DISP1: variants seen among roughly 807,000 people sequenced by gnomAD.
The protein encoded by DISP1 is dispatched RND transporter family member 1.
Under a neutral mutation model 37.3 loss-of-function variants are expected in DISP1, and 30 were observed. The ratio of observed to expected loss-of-function variants is 0.80; its 90% CI spans 0.60 to 1.09. The LOEUF (loss-of-function observed/expected upper bound fraction) is 1.09, where lower values mean the gene tolerates loss of function less well. Among genes scored for constraint, DISP1 ranks in the 50% least tolerant of loss-of-function variants. DISP1 has a pLI of 0.00. For synonymous variants in DISP1, 634 were observed against 690.2 expected, an observed-to-expected ratio of 0.92 and a Z score of 1.28; for missense variants, 1,598 against 1,879.5, an observed-to-expected ratio of 0.85 and a Z score of 2.77.
At chr1:222,936,254 C>T (rs1410665107) in intron 2 of DISP1, among the ~76,000 whole-genome samples, 2 of 152,074 alleles carry the variant, frequency 1.3e-5, no homozygotes, top group Non-Finnish European at 2.9e-5. Flanking sequence ...CTGTGATGAC[C>T]ACACAATGGT....
intron 1 of DISP1, among the ~76,000 whole-genome samples, chr1:222,919,722 G>A (rs1241136690): frequency 2.0e-5 from 3 of 152,136 alleles, no homozygotes; most frequent in South Asian, 2.1e-4. Flanking sequence ...ACTAATGCAC[G>A]TGTTTTCAAC....
chr1:222,831,931 A>G (rs1172290295), intron 1 of DISP1, among the ~76,000 whole-genome samples: 1 of 152,156 alleles, frequency 6.6e-6, no homozygotes, highest in South Asian at 2.1e-4. Context: ...TTGGTAAACA[A>G]TTGAGTATCA....
intron 1 of DISP1, among the ~76,000 whole-genome samples, chr1:222,875,819 C>A (rs1669937392): frequency 3.2e-5 from 4 of 124,488 alleles, no homozygotes; most frequent in Admixed American, 8.6e-5. Flanking sequence ...AAGAGAGAAA[C>A]CACATCTCAA....
At chr1:222,966,151 T>C (rs557259765) in intron 3 of DISP1, among the ~76,000 whole-genome samples, 43 of 152,336 alleles carry the variant, frequency 2.8e-4, no homozygotes, top group Non-Finnish European at 5.0e-4. Context: ...CACTGAAGCA[T>C]TTCTTTGTTT....
chr1:222,987,742 A>C (rs1678382890), intron 4 of DISP1, among the ~76,000 whole-genome samples: 2 of 152,230 alleles, frequency 1.3e-5, no homozygotes, highest in African/African-American at 4.8e-5. Flanking sequence ...ATAACATGTT[A>C]ATAGGTAAAA....
intron 1 of DISP1, among the ~76,000 whole-genome samples, chr1:222,906,328 C>T (rs988079080): frequency 6.6e-6 from 1 of 152,130 alleles, no homozygotes; most frequent in African/African-American, 2.4e-5. Context: ...GGAACTTTTT[C>T]TTGTTTGAAC....
intron 3 of DISP1, among the ~76,000 whole-genome samples, chr1:222,962,258 A>G (rs879549359): frequency 1.2e-4 from 19 of 152,038 alleles, no homozygotes; most frequent in Non-Finnish European, 2.6e-4. Flanking sequence ...GGAGAACTAC[A>G]AACCACTGCT....
At position 223,005,138 on chromosome 1, in the gene DISP1, T is replaced by C. The variant is rs775129595; in HGVS notation, c.3741T>C (p.Ala1247=). Residue 1247 remains alanine (A), a synonymous_variant, in exon 9 of 9, where the codon GCT becomes GCC. Transcript: ENST00000675850. ...TCAGCAAAAGCACTGAAAGTGACGC[T>C]GGCTCTGCCTTGTTACAGCCCCCTC... The part of the protein sequence containing the change: ...SELSKSTESD[A]GSALLQPPLE... 12 of 1,614,078 alleles carry C rather than the reference T, an allele frequency of 7.4e-6. No individual in the cohort carries two copies. The South Asian group carries it at 1.1e-4, about 15-fold the overall frequency.
chr1:222,984,876 C>T (rs971365542), intron 4 of DISP1, among the ~76,000 whole-genome samples: 1 of 152,084 alleles, frequency 6.6e-6, no homozygotes, highest in East Asian at 1.9e-4. Context: ...TCGTATGAGT[C>T]GAATCCTACA....
At position 223,002,400 on chromosome 1, in the gene DISP1, C is replaced by G. The variant is rs1679522829; in HGVS notation, c.1003C>G (p.Gln335Glu). The G allele has an allele frequency of 3.1e-6, 5 of 1,614,072 alleles. No homozygotes were observed. The highest frequency in any genetic ancestry group is 4.2e-6 in the Non-Finnish European group (5 of 1,180,016). Residue 335 changes from glutamine to glutamate, a missense_variant, in exon 9 of 9, where the codon CAG becomes GAG. By Grantham distance (29) the Gln-to-Glu change is conservative. Transcript: ENST00000675850. Reference sequence around the variant, plus strand: ...ATCTCTGCAGATCAGATCTCATCCCCAGTTTGGTGATCTCTGCCAGAGGAC... The same window carrying G: ...ATCTCTGCAGATCAGATCTCATCCCGAGTTTGGTGATCTCTGCCAGAGGAC... ...VDNSRIRSHP[Q>E]FGDLCQRTTA...
chr1:222,960,017 A>G (rs2102586907), intron 3 of DISP1, among the ~76,000 whole-genome samples: 1 of 152,308 alleles, frequency 6.6e-6, no homozygotes, highest in Admixed American at 6.5e-5. Context: ...TTAGACTCCC[A>G]CACAATAATA....
chr1:222,945,318 C>T (rs1674693779), intron 3 of DISP1, among the ~76,000 whole-genome samples: 1 of 152,148 alleles, frequency 6.6e-6, no homozygotes, highest in African/African-American at 2.4e-5. Context: ...TTGTCCTGAC[C>T]ACATTGTGCT....
chr1:222,876,584 C>G (rs1192177052), intron 1 of DISP1, among the ~76,000 whole-genome samples: 3 of 152,012 alleles, frequency 2.0e-5, no homozygotes, highest in African/African-American at 7.2e-5. Flanking sequence ...TTGGGCAGTT[C>G]AGAAGAACAA....
Position 223,005,278 on chromosome 1 carries a change from T to G in DISP1, c.3881T>G (p.Leu1294Trp), listed in dbSNP as rs1392387966. 1.9e-6 allele frequency: 3 copies of G among 1,613,766 alleles called. No homozygotes were observed. The African/African-American group carries it at 4.0e-5, about 22-fold the overall frequency. ...PHSCQQMGDCLCHQCSPTTSS... is the reference protein window; with the variant it reads ...PHSCQQMGDCWCHQCSPTTSS... Reference sequence around the variant, plus strand: ...TCTTGCCAGCAGATGGGGGACTGCTTGTGCCACCAGTGCTCTCCTACCACT... The same window carrying G: ...TCTTGCCAGCAGATGGGGGACTGCTGGTGCCACCAGTGCTCTCCTACCACT... Residue 1294 changes from leucine to tryptophan, a missense_variant, in exon 9 of 9, where the codon TTG (leucine) becomes TGG (tryptophan). Physicochemically the swap from Leu to Trp is moderately conservative, Grantham distance 61 (BLOSUM62 -2). Transcript: ENST00000675850.
At chr1:222,902,936 C>T (rs914618339) in intron 1 of DISP1, among the ~76,000 whole-genome samples, 2 of 151,614 alleles carry the variant, frequency 1.3e-5, no homozygotes, top group African/African-American at 4.9e-5. Flanking sequence ...TTTGACCCAG[C>T]CATCCCATTA....
chr1:222,876,352 G>A (rs1669974734), intron 1 of DISP1, among the ~76,000 whole-genome samples: 1 of 152,142 alleles, frequency 6.6e-6, no homozygotes, highest in African/African-American at 2.4e-5. Context: ...ATGAAGCAGA[G>A]TAGCAACACT....
At chr1:222,977,690 C>G (rs1170195029) in intron 3 of DISP1, among the ~76,000 whole-genome samples, 1 of 151,782 alleles carries the variant, frequency 6.6e-6, no homozygotes, top group East Asian at 1.9e-4. Flanking sequence ...CCCCTCTCCC[C>G]CGACCCCACA....
chr1:222,960,503 C>T (rs968859480), intron 3 of DISP1, among the ~76,000 whole-genome samples: 3 of 152,018 alleles, frequency 2.0e-5, no homozygotes, highest in Non-Finnish European at 1.5e-5. Flanking sequence ...CACTAAATGC[C>T]CACATCAGAA....
At chr1:222,819,203 C>T (rs1216097295) in intron 1 of DISP1, among the ~76,000 whole-genome samples, 3 of 152,168 alleles carry the variant, frequency 2.0e-5, no homozygotes, top group East Asian at 1.9e-4. Context: ...GTTTCCTCTT[C>T]GCCTTCTGCA....
Sources: gnomAD v4.1 joint callset for allele counts (sites outside exome capture counted in the v4.1 genomes callset) on GRCh38, gnomAD v4.1.1 for gene constraint, MANE v1.5 for transcripts, NCBI Gene and HGNC (gene_info 2026-07-23, HGNC 2026-07-21) for gene names.